Variants in PLD3 observed in about 807,000 individuals in gnomAD.
PLD3 encodes phospholipase D family member 3, also known as 5'-3' exonuclease PLD3.
A neutral mutation model predicts 58.4 loss-of-function variants in PLD3; 31 were observed. That is an observed-to-expected ratio of 0.53 (90% CI 0.40 to 0.72). The LOEUF is 0.72. PLD3 is among the 30% of genes least tolerant of loss of function. The probability of loss-of-function intolerance (pLI) is 0.00; values close to 1 mark genes in which losing one functional copy is unlikely to be tolerated. For missense variants in PLD3, 595 were observed against 659.8 expected (o/e 0.90, Z 1.08); for synonymous variants, 264 against 273.4 (o/e 0.97, Z 0.34).
intron 9 of PLD3, among the ~76,000 whole-genome samples, chr19:40,373,003 G>T (rs910878477): frequency 2.6e-5 from 4 of 152,146 alleles, no homozygotes; most frequent in African/African-American, 9.7e-5. Flanking sequence ...ACTGGCTCTC[G>T]CCATGGCAGA....
intron 10 of PLD3, chr19:40,376,256 G>C (rs2079196149): frequency 9.9e-6 from 2 of 202,204 alleles, no homozygotes. Context: ...CCGGGAGGCT[G>C]AGGCAGGAGA....
chr19:40,369,125 T>TA (rs1180875056), intron 6 of PLD3, among the ~76,000 whole-genome samples: 1 of 151,166 alleles, frequency 6.6e-6, no homozygotes, highest in Non-Finnish European at 1.5e-5. Flanking sequence ...ACCCTGTCTC[T>TA]AAAAAAAAAT....
Position 40,377,829 on chromosome 19 carries a change from CA to C in PLD3, c.1230del (p.Tyr411MetfsTer11). ...VPADEAQARIPYARVNHNKYM... is the reference protein window; with the variant it reads ...VPADEAQARIXYARVNHNKYM... ...GCGGATGAGGCCCAGGCTCGAATCC[CA>C]TATGCCCGTGTCAACCACAACAAGT... On this transcript the variant is annotated frameshift_variant, in exon 12 of 13. Transcript: ENST00000409735. LOFTEE classifies it high-confidence loss of function. The C allele has an allele frequency of 6.2e-7, 1 of 1,614,026 alleles. No individual in the cohort carries two copies. Among genetic ancestry groups the C allele is most frequent in the Non-Finnish European group, 8.5e-7 (1 of 1,179,924 alleles).
intron 9 of PLD3, 23 bp from the exon 10 acceptor site, chr19:40,374,458 C>CT (rs749754165): frequency 8.7e-6 from 14 of 1,613,228 alleles, no homozygotes; most frequent in Non-Finnish European, 1.2e-5. Flanking sequence ...GGGCACATGT[C>CT]TTAACTGTCC....
intron 1 of PLD3, among the ~76,000 whole-genome samples, chr19:40,364,434 C>T (rs1184228340): frequency 6.6e-6 from 1 of 151,560 alleles, no homozygotes; most frequent in Non-Finnish European, 1.5e-5. Context: ...AGGAGGATCA[C>T]TTGAGTCCAG....
chr19:40,369,366 A>G (rs2079008161), intron 6 of PLD3, among the ~76,000 whole-genome samples: 1 of 152,090 alleles, frequency 6.6e-6, no homozygotes, highest in Non-Finnish European at 1.5e-5. Flanking sequence ...TGTCTCAACA[A>G]ACAAACAAAC....
At chr19:40,351,993 C>A (rs77827612) in intron 1 of PLD3, among the ~76,000 whole-genome samples, 2 of 152,106 alleles carry the variant, frequency 1.3e-5, no homozygotes, top group African/African-American at 4.8e-5. Flanking sequence ...AGATCGAGAC[C>A]GGGCGTGGTG....
rs2145688073 is a variant in PLD3, at chr19:40,367,789, C to T, written c.339C>T (p.Leu113=). The T allele has an allele frequency of 5.0e-6, 8 of 1,611,946 alleles. No individual in the cohort carries two copies. In the East Asian group the frequency reaches 1.1e-4, roughly 23 times the overall value. Residue 113 remains leucine (L), a synonymous_variant, in exon 6 of 13, where the codon CTC becomes CTT. Coordinates refer to ENST00000409735, the MANE Select transcript of PLD3 (RefSeq NM_012268.4). ...PSTSQAWLGL[L]AGAHSSLDIA... is the part of the protein sequence containing the mutation. ...CCAGCCAGGCCTGGCTGGGCCTGCTCGCCGGTGCGCACAGCAGCCTGGACA... is the reference window on the plus strand; with the variant it reads ...CCAGCCAGGCCTGGCTGGGCCTGCTTGCCGGTGCGCACAGCAGCCTGGACA...
intron 1 of PLD3, among the ~76,000 whole-genome samples, chr19:40,350,201 A>C (rs2145651950): frequency 7.1e-6 from 1 of 141,184 alleles, no homozygotes; most frequent in East Asian, 2.4e-4. Flanking sequence ...CGGAGGTTGC[A>C]GTGAGCCTAG....
At chr19:40,372,369 T>G (rs1325870249) in intron 9 of PLD3, among the ~76,000 whole-genome samples, 1 of 152,006 alleles carries the variant, frequency 6.6e-6, no homozygotes, top group Non-Finnish European at 1.5e-5. Context: ...GGGTTGTGCA[T>G]GCATGTAGTC....
chr19:40,367,874 C>T lies in PLD3; in HGVS notation c.424C>T (p.Gln142Ter). ...CACCCACACGCAGGAGCCCTCTGCC[C>T]AGCAGGTACCTGCAACCTTGGCCCT... ...NDTHTQEPSA[Q>*]QGEEVLRQLQ... Residue 142 changes from glutamine (Q) to a stop codon, truncating the protein, a stop_gained, in exon 6 of 13, where the codon CAG (glutamine) becomes TAG (stop). Transcript: ENST00000409735. LOFTEE classifies it high-confidence loss of function. The T allele has an allele frequency of 1.3e-6, 2 of 1,540,170 alleles. No homozygotes were observed. Among genetic ancestry groups the T allele is most frequent in the Non-Finnish European group, 1.7e-6 (2 of 1,144,222 alleles).
intron 6 of PLD3, among the ~76,000 whole-genome samples, chr19:40,368,447 A>G (rs891448786): frequency 1.3e-5 from 2 of 152,200 alleles, no homozygotes; most frequent in Non-Finnish European, 2.9e-5. Flanking sequence ...TAAAGAACAT[A>G]AAAGCTTCAC....
chr19:40,376,998 A>G, intron 11 of PLD3, among the ~76,000 whole-genome samples: 1 of 133,014 alleles, frequency 7.5e-6, no homozygotes, highest in Non-Finnish European at 1.6e-5. Context: ...GGGTGCAGAG[A>G]GAGGTGTTGG....
chr19:40,369,353 C>G (rs2145691167), intron 6 of PLD3, among the ~76,000 whole-genome samples: 1 of 152,182 alleles, frequency 6.6e-6, no homozygotes, highest in Admixed American at 6.5e-5. Flanking sequence ...CATAGCAAGT[C>G]CCTGTCTCAA....
At chr19:40,377,937 A>C (rs45469694) in intron 12 of PLD3, 49 bp from the exon 13 acceptor site, 362,168 of 1,611,986 alleles carry the variant, frequency 0.22, 44,631 homozygotes, top group Non-Finnish European at 0.26. Context: ...TTCAGACACC[A>C]GGGGCGGCCC....
At chr19:40,364,835 G>T (rs971594641) in intron 1 of PLD3, among the ~76,000 whole-genome samples, 1 of 150,798 alleles carries the variant, frequency 6.6e-6, no homozygotes, top group Admixed American at 6.6e-5. Flanking sequence ...ATGGTGGCAC[G>T]TGCCTGTAGT....
chr19:40,366,715 T>C, intron 4 of PLD3, 31 bp downstream of exon 4: 8 of 1,613,980 alleles, frequency 5.0e-6, no homozygotes, highest in South Asian at 1.1e-5. Context: ...TCGCTCTGTC[T>C]CAGAGACAGG....
intron 1 of PLD3, among the ~76,000 whole-genome samples, chr19:40,355,612 CTTTTT>C (rs60422933): frequency 2.5e-5 from 2 of 81,104 alleles, no homozygotes; most frequent in East Asian, 4.0e-4. Flanking sequence ...GTGCCGGCTC[CTTTTT>C]TTTTTTTTTT....
At chr19:40,367,496 G>A (rs1395343661) in intron 5 of PLD3, 200 bp from the exon 6 acceptor site, 10 of 499,354 alleles carry the variant, frequency 2.0e-5, no homozygotes, top group African/African-American at 3.8e-5. Flanking sequence ...CGGGAGGATC[G>A]CTTGAGCCCA....
Sources: allele counts gnomAD v4.1 joint callset (sites outside exome capture counted in the v4.1 genomes callset), GRCh38; gene constraint gnomAD v4.1.1; transcripts MANE v1.5; gene names NCBI Gene and HGNC (gene_info 2026-07-23, HGNC 2026-07-21).